Variants in TUSC3 observed in about 807,000 individuals in gnomAD.
TUSC3 encodes the protein tumor suppressor candidate 3, also known as dolichyl-diphosphooligosaccharide--protein glycosyltransferase subunit TUSC3.
TUSC3 carries 45 observed loss-of-function variants against 44.8 expected under a neutral mutation model. The observed-to-expected ratio is 1.00, with a 90% CI of 0.79 to 1.29. The LOEUF (loss-of-function observed/expected upper bound fraction) is 1.29, where lower values mean the gene tolerates loss of function less well. Ranked by LOEUF, TUSC3 falls within the 50% of genes most tolerant of loss-of-function variation. The pLI is 0.00. For synonymous variants in TUSC3, 212 were observed against 152.9 expected, an observed-to-expected ratio of 1.39 and a Z score of -2.85; for missense variants, 519 against 437.9, an observed-to-expected ratio of 1.19 and a Z score of -1.65.
intron 1 of TUSC3, among the ~76,000 whole-genome samples, chr8:15,450,199 G>T (rs747906085): frequency 6.6e-6 from 1 of 152,154 alleles, no homozygotes; most frequent in Non-Finnish European, 1.5e-5. Context: ...TAAAGTATAT[G>T]TGTGTTTATC....
chr8:15,783,484 C>G, the TUSC3 span, among the ~76,000 whole-genome samples: 2 of 152,076 alleles, frequency 1.3e-5, no homozygotes, highest in African/African-American at 4.8e-5. Flanking sequence ...TATTACAAAG[C>G]TATGGTATTC....
intron 1 of TUSC3, among the ~76,000 whole-genome samples, chr8:15,617,185 G>T (rs1325015204): frequency 1.5e-5 from 2 of 129,534 alleles, no homozygotes; most frequent in Non-Finnish European, 3.2e-5. Context: ...TGTCGCCCAG[G>T]TTGCAGTGCA....
chr8:15,817,862 C>T, the TUSC3 span, among the ~76,000 whole-genome samples: 20,276 of 152,068 alleles, frequency 0.13, 1,457 homozygotes, highest in East Asian at 0.25. Flanking sequence ...AGGAACTCCA[C>T]CTTTGAGTGC....
chr8:15,687,650 C>T (rs1808695741), intron 6 of TUSC3, among the ~76,000 whole-genome samples: 1 of 152,122 alleles, frequency 6.6e-6, no homozygotes, highest in Admixed American at 6.6e-5. Context: ...TTACACTTCC[C>T]TTCAACTGTT....
the TUSC3 span, among the ~76,000 whole-genome samples, chr8:15,846,424 T>C: frequency 6.6e-6 from 1 of 152,160 alleles, no homozygotes; most frequent in Non-Finnish European, 1.5e-5. Context: ...TGCACACATA[T>C]GTTTATTGCA....
At chr8:15,536,393 G>C (rs1197478368), upstream of TUSC3, among the ~76,000 whole-genome samples, 1 of 152,018 alleles carries the variant, frequency 6.6e-6, no homozygotes, top group Admixed American at 6.6e-5. Context: ...AGAAAAGAAT[G>C]CAAGAGGACT....
intron 2 of TUSC3, among the ~76,000 whole-genome samples, chr8:15,509,787 A>G (rs1415933524): frequency 6.6e-6 from 1 of 152,312 alleles, no homozygotes; most frequent in Non-Finnish European, 1.5e-5. Flanking sequence ...GCCTAATACA[A>G]TAATCTGTAA....
At chr8:15,514,336 T>C (rs78970130) in intron 2 of TUSC3, among the ~76,000 whole-genome samples, 7,729 of 152,254 alleles carry the variant, frequency 0.051, 610 homozygotes, top group African/African-American at 0.17. Flanking sequence ...ATTTTAGGTA[T>C]GTTTTCATAA....
chr8:15,590,721 G>T (rs999365336), intron 1 of TUSC3, among the ~76,000 whole-genome samples: 3 of 151,894 alleles, frequency 2.0e-5, no homozygotes, highest in African/African-American at 7.3e-5. Flanking sequence ...GCCCAGGCTG[G>T]AGTGCTGTGG....
chr8:15,583,194 A>G (rs893764107), intron 1 of TUSC3, among the ~76,000 whole-genome samples: 5 of 152,260 alleles, frequency 3.3e-5, no homozygotes, highest in African/African-American at 1.2e-4. Context: ...AAATGAAATT[A>G]AATAGTATAC....
At chr8:15,553,892 T>TA (rs1436019074) in intron 1 of TUSC3, among the ~76,000 whole-genome samples, 1 of 151,766 alleles carries the variant, frequency 6.6e-6, no homozygotes, top group Non-Finnish European at 1.5e-5. Flanking sequence ...TGGTAGTTGT[T>TA]ACGGTTGTTC....
Position 15,764,528 on chromosome 8 carries a change from A to G in TUSC3, c.*372A>G, listed in dbSNP as rs1049979331. On this transcript the variant is annotated 3_prime_UTR_variant, in exon 11 of 11. Coordinates refer to ENST00000503731, the MANE Select transcript of TUSC3 (RefSeq NM_006765.4). ...GTTTACTCATTAGTAAAGGACCGCA[A>G]TGTTAGTAAAGAAAACCTATGAAAT... 8 of 296,854 alleles carry G rather than the reference A, an allele frequency of 2.7e-5. No individual in the cohort carries two copies. Among genetic ancestry groups the G allele is most frequent in the Non-Finnish European group, 4.5e-5 (7 of 154,644 alleles). The allele number at this position is 296,854 out of a possible 1,614,324, so 18.4% of individuals were successfully genotyped here. A position where few individuals can be genotyped will look rare whatever the true frequency, so the allele number is the denominator to read the frequency against.
chr8:15,725,878 AG>A (rs1228173662), intron 6 of TUSC3, among the ~76,000 whole-genome samples: 6 of 152,196 alleles, frequency 3.9e-5, no homozygotes, highest in Non-Finnish European at 7.4e-5. Context: ...TCCAATTTGC[AG>A]ATTAGGAAAC....
At chr8:15,677,859 A>G (rs2129184642) in intron 6 of TUSC3, among the ~76,000 whole-genome samples, 1 of 152,340 alleles carries the variant, frequency 6.6e-6, no homozygotes, top group South Asian at 2.1e-4. Flanking sequence ...AAAGACAGAG[A>G]CATCCACTGG....
Position 15,764,315 on chromosome 8 carries a change from C to A in TUSC3, c.*159C>A. The A allele has an allele frequency of 2.3e-6, 3 of 1,308,452 alleles. No individual in the cohort carries two copies. The highest frequency in any genetic ancestry group is 3.2e-6 in the Non-Finnish European group (3 of 927,414). 81.1% of individuals were successfully genotyped at this position (1,308,452 alleles called of 1,614,324 possible). ...AATTCATTCATTTCATTGTGATCAGCTAGCTTATTCTTGTGTACTTTTTTT... is the reference window on the plus strand; with the variant it reads ...AATTCATTCATTTCATTGTGATCAGATAGCTTATTCTTGTGTACTTTTTTT... On this transcript the variant is annotated 3_prime_UTR_variant, in exon 11 of 11. Transcript: ENST00000503731.
chr8:15,613,737 A>C (rs2129160058), intron 1 of TUSC3, among the ~76,000 whole-genome samples: 1 of 152,308 alleles, frequency 6.6e-6, no homozygotes, highest in African/African-American at 2.4e-5. Context: ...AGGTTTTGTA[A>C]GAGTTGTATT....
intron 2 of TUSC3, among the ~76,000 whole-genome samples, chr8:15,515,461 A>G (rs890775883): frequency 6.6e-6 from 1 of 152,152 alleles, no homozygotes; most frequent in Non-Finnish European, 1.5e-5. Context: ...TAGTATGAAC[A>G]GTCATTCAGC....
the TUSC3 span, among the ~76,000 whole-genome samples, chr8:15,826,795 G>A: frequency 6.6e-6 from 1 of 152,150 alleles, no homozygotes; most frequent in African/African-American, 2.4e-5. Context: ...TCCTCTGACT[G>A]AAATTTGTTG....
At chr8:15,517,026 G>A (rs1201765730) in intron 2 of TUSC3, among the ~76,000 whole-genome samples, 1 of 152,100 alleles carries the variant, frequency 6.6e-6, no homozygotes, top group Non-Finnish European at 1.5e-5. Context: ...TCTAGTCCAT[G>A]GTACCAGGGC....
Sources: gnomAD v4.1 joint callset for allele counts (sites outside exome capture counted in the v4.1 genomes callset) on GRCh38, gnomAD v4.1.1 for gene constraint, MANE v1.5 for transcripts, NCBI Gene and HGNC (gene_info 2026-07-23, HGNC 2026-07-21) for gene names.